Variants in WDFY2 observed in about 807,000 individuals in gnomAD.
The protein encoded by WDFY2 is WD repeat and FYVE domain-containing protein 2.
Under a neutral mutation model 56.4 loss-of-function variants are expected in WDFY2, and 36 were observed. That is an observed-to-expected ratio of 0.64 (90% CI 0.49 to 0.84). The LOEUF (loss-of-function observed/expected upper bound fraction) is 0.84, where lower values mean the gene tolerates loss of function less well. Among genes scored for constraint, WDFY2 ranks in the 40% least tolerant of loss-of-function variants. The pLI, the probability that WDFY2 is intolerant of heterozygous loss-of-function variation, is 0.00. For missense variants in WDFY2, 444 were observed against 512.2 expected (o/e 0.87, Z 1.29); for synonymous variants, 176 against 183.7 (o/e 0.96, Z 0.34).
intron 1 of WDFY2, among the ~76,000 whole-genome samples, chr13:51,631,391 TAAA>T (rs374903152): frequency 1.6e-5 from 2 of 123,076 alleles, no homozygotes. Context: ...ATCCTGTCTC[TAAA>T]AAAAAAAAAA....
At chr13:51,650,481 T>C (rs1955354268) in intron 1 of WDFY2, among the ~76,000 whole-genome samples, 1 of 152,212 alleles carries the variant, frequency 6.6e-6, no homozygotes, top group African/African-American at 2.4e-5. Flanking sequence ...AGGGCATTCC[T>C]GTCTTGTGCA....
intron 5 of WDFY2, among the ~76,000 whole-genome samples, chr13:51,726,801 C>G (rs1952614912): frequency 6.6e-6 from 1 of 152,152 alleles, no homozygotes; most frequent in Non-Finnish European, 1.5e-5. Context: ...ATTAATAGTT[C>G]CATTCAAATT....
At chr13:51,736,520 T>C (rs1404377549) in intron 6 of WDFY2, among the ~76,000 whole-genome samples, 1 of 152,118 alleles carries the variant, frequency 6.6e-6, no homozygotes, top group African/African-American at 2.4e-5. Flanking sequence ...GGAGACGGAG[T>C]CTCACTCTGT....
chr13:51,745,510 A>G (rs1218535320), intron 7 of WDFY2, among the ~76,000 whole-genome samples: 1 of 152,118 alleles, frequency 6.6e-6, no homozygotes, highest in African/African-American at 2.4e-5. Flanking sequence ...GTTTGCAGTA[A>G]TATCAGTATT....
chr13:51,603,008 G>A lies in WDFY2; in HGVS notation c.137+18184G>A, dbSNP rs144199098. Among the ~76,000 whole-genome samples the A allele has an allele frequency of 1.8e-4, 27 of 152,226 alleles. No homozygotes were observed. In the East Asian group the frequency reaches 4.6e-3, roughly 26 times the overall value. ...GTTTCCAGATTGGACTGAATGCTGT[G>A]ATCTAAATCCTTATACCTGGGGACT... On this transcript the variant is annotated intron_variant, in intron 1 of 11. Transcript: ENST00000298125.
At chr13:51,712,864 A>G (rs1294090831) in intron 4 of WDFY2, among the ~76,000 whole-genome samples, 1 of 152,138 alleles carries the variant, frequency 6.6e-6, no homozygotes, top group Non-Finnish European at 1.5e-5. Flanking sequence ...ATACTAATAA[A>G]TTTGAAAACT....
At chr13:51,759,144 G>A (rs1449789036) in intron 11 of WDFY2, among the ~76,000 whole-genome samples, 1 of 152,170 alleles carries the variant, frequency 6.6e-6, no homozygotes, top group Non-Finnish European at 1.5e-5. Flanking sequence ...TTGTGCCACT[G>A]TACTCCAGCC....
chr13:51,665,587 ACCT>A (rs1955685829), intron 2 of WDFY2, among the ~76,000 whole-genome samples: 1 of 152,194 alleles, frequency 6.6e-6, no homozygotes, highest in Non-Finnish European at 1.5e-5. Context: ...TAGCAGAGGA[ACCT>A]CTTGCAGGAG....
chr13:51,584,885 C>T lies in WDFY2; in HGVS notation c.137+61C>T, dbSNP rs1257962802. 8.8e-6 allele frequency: 14 copies of T among 1,599,234 alleles called. No individual in the cohort carries two copies. In the East Asian group the frequency reaches 9.0e-5, roughly 10 times the overall value. On this transcript the variant is annotated intron_variant, in intron 1 of 11. Coordinates refer to ENST00000298125, the MANE Select transcript of WDFY2 (RefSeq NM_052950.4). ...GGGACGGGCCGACGGCCCTCGAGCC[C>T]GCGTCAGGGGCTGTGCCTTCACGTC... is the stretch of plus-strand genomic sequence containing the variant.
chr13:51,638,564 G>A (rs539594062), intron 1 of WDFY2, among the ~76,000 whole-genome samples: 2 of 152,102 alleles, frequency 1.3e-5, no homozygotes, highest in Admixed American at 6.5e-5. Context: ...CCTCAAAGAC[G>A]AAAAGAAACT....
intron 1 of WDFY2, among the ~76,000 whole-genome samples, chr13:51,648,122 C>CT (rs902877377): frequency 6.6e-6 from 1 of 152,150 alleles, no homozygotes; most frequent in African/African-American, 2.4e-5. Context: ...GAGGCAGGCA[C>CT]TGAATTTAGT....
intron 1 of WDFY2, among the ~76,000 whole-genome samples, chr13:51,603,628 T>G (rs1008832232): frequency 2.6e-5 from 4 of 152,334 alleles, no homozygotes; most frequent in African/African-American, 9.6e-5. Context: ...TTGTCAAGCA[T>G]TGTCTTGTAG....
intron 4 of WDFY2, among the ~76,000 whole-genome samples, chr13:51,705,185 G>T (rs1952058149): frequency 6.6e-6 from 1 of 152,202 alleles, no homozygotes; most frequent in South Asian, 2.1e-4. Flanking sequence ...TAGCCCACAA[G>T]GAACTGAATC....
intron 5 of WDFY2, 67 bp downstream of exon 5, chr13:51,719,415 T>G: frequency 6.7e-7 from 1 of 1,500,274 alleles, no homozygotes; most frequent in Non-Finnish European, 8.9e-7. Context: ...TTCATGAAAT[T>G]TTGGGGTATG....
At chr13:51,748,036 G>C (rs1362588615) in intron 7 of WDFY2, among the ~76,000 whole-genome samples, 1 of 152,126 alleles carries the variant, frequency 6.6e-6, no homozygotes, top group Non-Finnish European at 1.5e-5. Flanking sequence ...TTCAAGGCCA[G>C]ACTCTCTTAC....
chr13:51,732,587 G>GAGC (rs1421413309), intron 6 of WDFY2, among the ~76,000 whole-genome samples: 2 of 152,184 alleles, frequency 1.3e-5, no homozygotes, highest in African/African-American at 4.8e-5. Flanking sequence ...ACTTGTTCAT[G>GAGC]AGCTGTTAGG....
rs1482716594 is a variant in WDFY2 at position 51,766,799 on chromosome 13, A to C, written c.*7030A>C. On this transcript the variant is annotated 3_prime_UTR_variant, in exon 12 of 12. Transcript: ENST00000298125. ...TAAATCTCTGTGAAAACCTTTCTGCAGCTATGGTCCCATCACGGTTACATG... is the reference window on the plus strand; with the variant it reads ...TAAATCTCTGTGAAAACCTTTCTGCCGCTATGGTCCCATCACGGTTACATG... 1.3e-5 allele frequency: 2 copies of C among 152,386 alleles called. No individual in the cohort carries two copies. The highest frequency in any genetic ancestry group is 1.5e-5 in the Non-Finnish European group (1 of 68,050). The allele number at this position is 152,386 out of a possible 1,614,324, so 9.4% of individuals were successfully genotyped here. A position where few individuals can be genotyped will look rare whatever the true frequency, so the allele number is the denominator to read the frequency against.
chr13:51,589,879 G>T (rs955595191), intron 1 of WDFY2: 1 of 152,188 alleles, frequency 6.6e-6, no homozygotes, highest in Non-Finnish European at 1.5e-5. Context: ...CTGTATGATT[G>T]TGGAAAATTA....
At chr13:51,633,669 T>C (rs993939122) in intron 1 of WDFY2, among the ~76,000 whole-genome samples, 1 of 152,138 alleles carries the variant, frequency 6.6e-6, no homozygotes, top group Non-Finnish European at 1.5e-5. Flanking sequence ...CCTGAATTAG[T>C]TGGATCATTT....
Sources: gnomAD v4.1 joint callset for allele counts (sites outside exome capture counted in the v4.1 genomes callset) on GRCh38, gnomAD v4.1.1 for gene constraint, MANE v1.5 for transcripts, NCBI Gene and HGNC (gene_info 2026-07-23, HGNC 2026-07-21) for gene names.